Variants in RGS6 observed in about 807,000 individuals in gnomAD.
RGS6 encodes regulator of G-protein signaling 6.
Under a neutral mutation model 78.5 loss-of-function variants are expected in RGS6, and 30 were observed. The ratio of observed to expected loss-of-function variants is 0.38; its 90% CI spans 0.29 to 0.52. The LOEUF (loss-of-function observed/expected upper bound fraction) is 0.52, where lower values mean the gene tolerates loss of function less well. RGS6 is among the 20% of genes least tolerant of loss of function. The probability of loss-of-function intolerance (pLI) is 0.85; values close to 1 mark genes in which losing one functional copy is unlikely to be tolerated. For missense variants in RGS6, 495 were observed against 609.7 expected, an observed-to-expected ratio of 0.81 and a Z score of 1.98; for synonymous variants, 206 against 206.0, an observed-to-expected ratio of 1.00 and a Z score of 0.00.
chr14:72,457,057 C>A (rs1352184677), intron 4 of RGS6, among the ~76,000 whole-genome samples: 3 of 143,272 alleles, frequency 2.1e-5, no homozygotes, highest in Non-Finnish European at 4.5e-5. Flanking sequence ...GCACTCCAGC[C>A]TGGGTGACAA....
Position 72,320,781 on chromosome 14 carries a change from A to G in RGS6, c.85-31314A>G, listed in dbSNP as rs542453292. Among the ~76,000 whole-genome samples, 9 of 151,248 alleles carry G rather than the reference A, an allele frequency of 6.0e-5. No homozygotes were observed. The South Asian group carries it at 1.7e-3, about 28-fold the overall frequency. ...AATGTTCATAAATATTTTAACTAAT[A>G]TAAGGATAAGGTGGAAGGTGGTATG... is the stretch of plus-strand genomic sequence containing the variant. On this transcript the variant is annotated intron_variant, in intron 2 of 17. Transcript: ENST00000553525.
chr14:72,091,546 A>G (rs1263072772), intron 2 of RGS6, among the ~76,000 whole-genome samples: 2 of 152,158 alleles, frequency 1.3e-5, no homozygotes, highest in Non-Finnish European at 2.9e-5. Flanking sequence ...TGACTTTGAG[A>G]AGGCAATCCC....
At chr14:72,161,973 C>A (rs2096859434) in intron 2 of RGS6, among the ~76,000 whole-genome samples, 1 of 152,214 alleles carries the variant, frequency 6.6e-6, no homozygotes, top group Non-Finnish European at 1.5e-5. Context: ...TCTGTTCTTC[C>A]TCTCATCTAG....
At chr14:72,459,278 T>C (rs1006087459) in intron 5 of RGS6, among the ~76,000 whole-genome samples, 2 of 152,066 alleles carry the variant, frequency 1.3e-5, no homozygotes, top group African/African-American at 4.8e-5. Context: ...GGGAGAAGAG[T>C]TCTTCAGACT....
chr14:72,519,181 C>T (rs1053779323), intron 15 of RGS6, among the ~76,000 whole-genome samples: 1 of 152,304 alleles, frequency 6.6e-6, no homozygotes, highest in South Asian at 2.1e-4. Context: ...CCCTGTAGGA[C>T]ACAATTAAGA....
rs571059240 is a variant in RGS6, at chr14:72,234,170, C to A, written c.85-117925C>A. ...CTGCCTTTAATTTTCCGAATCATTC[C>A]GTTTTGCTTGTTGAGGAAGGCAAGC... On this transcript the variant is annotated intron_variant, in intron 2 of 17. Transcript: ENST00000553525. Among the ~76,000 whole-genome samples, 5 of 151,916 alleles carry A rather than the reference C, an allele frequency of 3.3e-5. No individual in the cohort carries two copies. The East Asian group carries it at 7.8e-4, about 24-fold the overall frequency.
At chr14:71,943,610 A>G (rs1040529149) in intron 1 of RGS6, among the ~76,000 whole-genome samples, 1 of 152,158 alleles carries the variant, frequency 6.6e-6, no homozygotes, top group African/African-American at 2.4e-5. Flanking sequence ...CAGCGTGGGC[A>G]AGATCTCTGT....
At chr14:72,525,411 G>A (rs2097105045) in intron 15 of RGS6, among the ~76,000 whole-genome samples, 1 of 152,162 alleles carries the variant, frequency 6.6e-6, no homozygotes, top group Admixed American at 6.5e-5. Flanking sequence ...GCTTGGCCTT[G>A]ATGAACTCAC....
chr14:72,453,254 A>G (rs1480137549), intron 3 of RGS6, among the ~76,000 whole-genome samples: 1 of 152,106 alleles, frequency 6.6e-6, no homozygotes, highest in Non-Finnish European at 1.5e-5. Context: ...CACAGGTTAC[A>G]GCACCTCTTG....
At chr14:72,447,355 C>A (rs2095391021) in intron 3 of RGS6, among the ~76,000 whole-genome samples, 1 of 152,172 alleles carries the variant, frequency 6.6e-6, no homozygotes, top group African/African-American at 2.4e-5. Flanking sequence ...CTCAGTGAGG[C>A]CTCACCAGAC....
At chr14:71,916,303 G>C in the RGS6 span, among the ~76,000 whole-genome samples, 3 of 152,106 alleles carry the variant, frequency 2.0e-5, no homozygotes, top group Non-Finnish European at 4.4e-5. Flanking sequence ...CCAGCTACTC[G>C]GGCCACGAAA....
chr14:72,153,897 C>T (rs551680655), intron 2 of RGS6, among the ~76,000 whole-genome samples: 23 of 152,206 alleles, frequency 1.5e-4, no homozygotes, highest in East Asian at 9.7e-4. Flanking sequence ...AAACAGAGTT[C>T]GAGAGCAGAG....
At chr14:72,595,369 AG>A in the RGS6 span, among the ~76,000 whole-genome samples, 1 of 152,186 alleles carries the variant, frequency 6.6e-6, no homozygotes, top group African/African-American at 2.4e-5. Context: ...TGGAACTCAA[AG>A]GTAAGATGAA....
chr14:72,489,292 C>T (rs1434938778), intron 12 of RGS6, among the ~76,000 whole-genome samples: 1 of 152,206 alleles, frequency 6.6e-6, no homozygotes, highest in African/African-American at 2.4e-5. Context: ...CTCGTCACCC[C>T]CTGAACAGGA....
rs181464009 is a variant in RGS6, at chr14:72,100,579, G to A, written c.84+135704G>A. Among the ~76,000 whole-genome samples, 1,089 of 152,298 alleles carry A rather than the reference G, an allele frequency of 7.2e-3. 39 individuals carry two copies. The highest frequency in any genetic ancestry group is 0.062 in the Admixed American group (952 of 15,298). On this transcript the variant is annotated intron_variant, in intron 2 of 17. Coordinates refer to ENST00000553525, the MANE Select transcript of RGS6 (RefSeq NM_001204424.2). ...ACAGGGGAGTGAAGTGTCACAAACT[G>A]TCAGTTTGATGTACTCTGTGACTTT...
At chr14:72,574,466 G>A in the RGS6 span, among the ~76,000 whole-genome samples, 1 of 152,286 alleles carries the variant, frequency 6.6e-6, no homozygotes, top group Middle Eastern at 3.4e-3. Context: ...GAGTGAGGCC[G>A]GGCTGCCCTG....
intron 2 of RGS6, among the ~76,000 whole-genome samples, chr14:72,347,893 A>G (rs1169922468): frequency 1.3e-5 from 2 of 152,222 alleles, no homozygotes; most frequent in African/African-American, 2.4e-5. Flanking sequence ...AGAGGCAGAA[A>G]AGTGCAGAGT....
chr14:72,518,346 T>C lies in RGS6; in HGVS notation c.1092-5T>C. 1 of 1,612,164 alleles carries C rather than the reference T, an allele frequency of 6.2e-7. No individual in the cohort carries two copies. Among genetic ancestry groups the C allele is most frequent in the African/African-American group, 1.3e-5 (1 of 74,944 alleles). ...GAACTGACTGTGTTTCTGCTCCCAC[T>C]TCAGGTTCTGGCTGGCTGTCCAAGA... On this transcript the variant is annotated splice_polypyrimidine_tract_variant and splice_region_variant and intron_variant, in intron 14 of 17. Coordinates refer to ENST00000553525, the MANE Select transcript of RGS6 (RefSeq NM_001204424.2).
chr14:72,078,790 T>C (rs2094696983), intron 2 of RGS6, among the ~76,000 whole-genome samples: 1 of 152,208 alleles, frequency 6.6e-6, no homozygotes, highest in African/African-American at 2.4e-5. Flanking sequence ...ATCCTCTTCA[T>C]TATTCTTCTG....
Sources: allele counts gnomAD v4.1 joint callset (sites outside exome capture counted in the v4.1 genomes callset), GRCh38; gene constraint gnomAD v4.1.1; transcripts MANE v1.5; gene names NCBI Gene and HGNC (gene_info 2026-07-23, HGNC 2026-07-21).